Variants in GSE1 observed in about 807,000 individuals in gnomAD.
GSE1 encodes genetic suppressor element 1.
Under a neutral mutation model 112.6 loss-of-function variants are expected in GSE1, and 32 were observed. The ratio of observed to expected loss-of-function variants is 0.28; its 90% CI spans 0.21 to 0.38. GSE1 has a LOEUF of 0.38. Ranked by LOEUF, GSE1 falls within the 10% of genes least tolerant of loss-of-function variation. GSE1 has a pLI of 1.00. For missense variants in GSE1, 2,348 were observed against 1,699.2 expected, an observed-to-expected ratio of 1.38 and a Z score of -6.71; for synonymous variants, 1,115 against 735.6, an observed-to-expected ratio of 1.52 and a Z score of -8.35.
chr16:85,170,925 G>T, exon 1 of GSE1: 1 of 985,584 alleles, frequency 1.0e-6, no homozygotes, highest in Non-Finnish European at 1.2e-6. Flanking sequence ...GGAGGCTCCC[G>T]AGGGAAGAGG....
At chr16:85,279,602 T>C (rs1215159470) in intron 1 of GSE1, among the ~76,000 whole-genome samples, 1 of 152,024 alleles carries the variant, frequency 6.6e-6, no homozygotes, top group Non-Finnish European at 1.5e-5. Flanking sequence ...TTTCAATCAA[T>C]CAATCAGTCA....
intron 13 of GSE1, 35 bp from the exon 14 acceptor site, chr16:85,668,105 C>G (rs923562951): frequency 2.0e-6 from 3 of 1,514,050 alleles, no homozygotes; most frequent in Non-Finnish European, 2.7e-6. Flanking sequence ...GTCCCTTCCC[C>G]CAACACACTG....
chr16:85,510,743 C>T (rs1052750942), intron 2 of GSE1, among the ~76,000 whole-genome samples: 3 of 152,154 alleles, frequency 2.0e-5, no homozygotes, highest in Admixed American at 1.3e-4. Flanking sequence ...CAGAGCCCCC[C>T]GCGACCCCTG....
At chr16:85,287,532 G>A (rs972523336) in intron 1 of GSE1, among the ~76,000 whole-genome samples, 3 of 152,058 alleles carry the variant, frequency 2.0e-5, no homozygotes, top group Non-Finnish European at 2.9e-5. Context: ...CACCAGCCAC[G>A]CCGCTGCCTC....
intron 1 of GSE1, among the ~76,000 whole-genome samples, chr16:85,217,273 T>A (rs145346024): frequency 6.6e-6 from 1 of 152,206 alleles, no homozygotes; most frequent in African/African-American, 2.4e-5. Flanking sequence ...AGGAGGGGAC[T>A]GGGGCAGGCC....
chr16:85,473,888 C>CACTAT (rs1167155317), intron 2 of GSE1, among the ~76,000 whole-genome samples: 1 of 151,956 alleles, frequency 6.6e-6, no homozygotes, highest in Non-Finnish European at 1.5e-5. Context: ...CTCTCCCAGG[C>CACTAT]ACTAGCATGA....
At chr16:85,422,313 C>T (rs1179860449) in intron 2 of GSE1, among the ~76,000 whole-genome samples, 1 of 151,778 alleles carries the variant, frequency 6.6e-6, no homozygotes, top group Non-Finnish European at 1.5e-5. Flanking sequence ...CCCGCACAGG[C>T]GAGGCTCCCG....
intron 1 of GSE1, among the ~76,000 whole-genome samples, chr16:85,333,084 A>G (rs769304427): frequency 3.9e-5 from 6 of 151,900 alleles, no homozygotes; most frequent in Non-Finnish European, 7.4e-5. Context: ...AGAAACCCCC[A>G]AATCAGCCAG....
chr16:85,391,299 C>A (rs2047833789), intron 2 of GSE1, among the ~76,000 whole-genome samples: 1 of 152,226 alleles, frequency 6.6e-6, no homozygotes, highest in Non-Finnish European at 1.5e-5. Context: ...CATTTTTATC[C>A]CTTTTGTCAA....
At chr16:85,363,493 C>T (rs116770619) in intron 2 of GSE1, among the ~76,000 whole-genome samples, 176 of 152,358 alleles carry the variant, frequency 1.2e-3, no homozygotes, top group African/African-American at 3.9e-3. Context: ...ACATGGGTGT[C>T]AGAGCCTGTG....
chr16:85,222,922 A>G (rs1034985990), intron 1 of GSE1, among the ~76,000 whole-genome samples: 9 of 152,242 alleles, frequency 5.9e-5, no homozygotes, highest in Admixed American at 2.0e-4. Context: ...AAAGAGGAAC[A>G]TAAAAATTGA....
intron 2 of GSE1, among the ~76,000 whole-genome samples, chr16:85,430,720 T>C (rs1597731845): frequency 1.3e-5 from 2 of 152,294 alleles, no homozygotes; most frequent in South Asian, 4.1e-4. Flanking sequence ...AGGGCATTCG[T>C]CTGAAGGGCA....
At chr16:85,474,197 C>G (rs562100099) in intron 2 of GSE1, among the ~76,000 whole-genome samples, 11 of 152,170 alleles carry the variant, frequency 7.2e-5, no homozygotes, top group African/African-American at 2.4e-4. Context: ...AGGCCAGGGA[C>G]CTGGGACAGA....
At chr16:85,529,553 T>C (rs936001877) in intron 2 of GSE1, among the ~76,000 whole-genome samples, 20 of 152,324 alleles carry the variant, frequency 1.3e-4, no homozygotes, top group African/African-American at 4.3e-4. Flanking sequence ...GAGCAGCCCC[T>C]GCTATGCCGA....
intron 2 of GSE1, among the ~76,000 whole-genome samples, chr16:85,637,786 C>G (rs557263821): frequency 6.6e-6 from 1 of 151,210 alleles, no homozygotes; most frequent in Non-Finnish European, 1.5e-5. Flanking sequence ...CCACACCTGC[C>G]GGGGAGTGGG....
intron 1 of GSE1, among the ~76,000 whole-genome samples, chr16:85,588,897 C>G (rs183943110): frequency 6.6e-6 from 1 of 152,186 alleles, no homozygotes. Flanking sequence ...GTGCGCACAG[C>G]TCTGGGGAAA....
intron 2 of GSE1, among the ~76,000 whole-genome samples, chr16:85,392,967 T>TGCCTCTTTGGGCTCG (rs1466537675): frequency 6.6e-6 from 1 of 152,224 alleles, no homozygotes; most frequent in African/African-American, 2.4e-5. Context: ...ATCCTCTCCC[T>TGCCTCTTTGGGCTCG]GCCTCTTTGG....
intron 14 of GSE1, among the ~76,000 whole-genome samples, chr16:85,669,430 G>A (rs2053147710): frequency 1.3e-5 from 2 of 152,110 alleles, no homozygotes; most frequent in African/African-American, 4.8e-5. Context: ...AACTCAGTCA[G>A]GAAAAGTATT....
chr16:85,527,041 G>C (rs1040543639), intron 2 of GSE1, among the ~76,000 whole-genome samples: 1 of 152,210 alleles, frequency 6.6e-6, no homozygotes, highest in Admixed American at 6.5e-5. Context: ...ATTTGGGGAG[G>C]GGGTGGCCCT....
Sources: gnomAD v4.1 joint callset for allele counts (sites outside exome capture counted in the v4.1 genomes callset) on GRCh38, gnomAD v4.1.1 for gene constraint, MANE v1.5 for transcripts, NCBI Gene and HGNC (gene_info 2026-07-23, HGNC 2026-07-21) for gene names.